DNAH8: variants seen among roughly 807,000 people sequenced by gnomAD.
The protein encoded by DNAH8 is axonemal beta dynein heavy chain 8.
A neutral mutation model predicts 562.1 loss-of-function variants in DNAH8; 382 were observed. The ratio of observed to expected loss-of-function variants is 0.68; its 90% CI spans 0.63 to 0.74. DNAH8 has a LOEUF of 0.74. DNAH8 is among the 30% of genes least tolerant of loss of function. The pLI, the probability that DNAH8 is intolerant of heterozygous loss-of-function variation, is 0.00. For missense variants in DNAH8, 5,203 were observed against 5,620.4 expected (o/e 0.93, Z 2.37); for synonymous variants, 1,881 against 1,919.4 (o/e 0.98, Z 0.52).
At chr6:38,888,776 G>C (rs1191905174) in intron 57 of DNAH8, among the ~76,000 whole-genome samples, 1 of 152,192 alleles carries the variant, frequency 6.6e-6, no homozygotes, top group East Asian at 1.9e-4. Flanking sequence ...GACTCTCATT[G>C]CCTGCTGGCC....
chr6:38,829,636 A>G (rs140011660), intron 30 of DNAH8, among the ~76,000 whole-genome samples: 8 of 152,306 alleles, frequency 5.3e-5, no homozygotes, highest in African/African-American at 9.6e-5. Context: ...CTGAAAATCA[A>G]TTGATCATAG....
chr6:38,999,938 C>CAT (rs1765376726), intron 88 of DNAH8, among the ~76,000 whole-genome samples: 1 of 151,356 alleles, frequency 6.6e-6, no homozygotes, highest in Non-Finnish European at 1.5e-5. Context: ...CACACAAACA[C>CAT]ACACACACAC....
intron 87 of DNAH8, among the ~76,000 whole-genome samples, chr6:38,984,657 G>C (rs918436676): frequency 1.2e-4 from 18 of 152,104 alleles, no homozygotes; most frequent in African/African-American, 4.3e-4. Flanking sequence ...CGGGCGTGGT[G>C]GTGAGTTCCT....
chr6:39,013,854 AAG>A (rs771882353), intron 91 of DNAH8, among the ~76,000 whole-genome samples: 6 of 150,708 alleles, frequency 4.0e-5, no homozygotes, highest in Admixed American at 6.6e-5. Context: ...CTATCTAAAA[AAG>A]AGAGAGAGAG....
chr6:39,011,868 CT>C lies in DNAH8; in HGVS notation c.13372-346del, dbSNP rs142398453. Among the ~76,000 whole-genome samples the C allele has an allele frequency of 2.2e-3, 332 of 152,298 alleles. 4 individuals carry two copies. Among genetic ancestry groups the C allele is most frequent in the African/African-American group, 7.2e-3 (298 of 41,570 alleles). Reference sequence around the variant, plus strand: ...TGAAGAAAAAAATTCCACTGTACCCCTATGAAGGTTAGATTGCAAAAAGAAT... The same window carrying C: ...TGAAGAAAAAAATTCCACTGTACCCCATGAAGGTTAGATTGCAAAAAGAAT... On this transcript the variant is annotated intron_variant, in intron 89 of 92. Transcript: ENST00000327475.
At chr6:38,892,122 C>T (rs1306467927) in intron 58 of DNAH8, among the ~76,000 whole-genome samples, 1 of 152,032 alleles carries the variant, frequency 6.6e-6, no homozygotes, top group Non-Finnish European at 1.5e-5. Context: ...TCATTAAAGT[C>T]CCCCTTCTTC....
chr6:38,784,538 T>A (rs1768955990), intron 17 of DNAH8, among the ~76,000 whole-genome samples: 1 of 152,212 alleles, frequency 6.6e-6, no homozygotes, highest in South Asian at 2.1e-4. Flanking sequence ...GGACACTTAC[T>A]GCTTTATAGA....
At chr6:38,989,070 T>C (rs1764600456) in intron 87 of DNAH8, among the ~76,000 whole-genome samples, 1 of 152,184 alleles carries the variant, frequency 6.6e-6, no homozygotes, top group African/African-American at 2.4e-5. Context: ...ACAGAGAGAA[T>C]CAGTACACAG....
At chr6:38,734,810 T>C (rs1334523133) in intron 5 of DNAH8, among the ~76,000 whole-genome samples, 185 bp downstream of exon 5, 2 of 152,242 alleles carry the variant, frequency 1.3e-5, no homozygotes, top group Non-Finnish European at 2.9e-5. Flanking sequence ...TATATTGATA[T>C]TTTAGATACT....
Position 38,822,893 on chromosome 6 carries a change from A to T in DNAH8, c.3579A>T (p.Val1193=). ...AGCTGAAGAATTTTTACCCGGGGGT[A>T]GCGGAGCACAAGGATATTTCTAAGT... The part of the protein sequence containing the change: ...ARKLKNFYPG[V]AEHKDISKLV... The change falls in exon 27 of 93, where the codon GTA becomes GTT. Residue 1193 remains valine (V), a synonymous_variant. Transcript: ENST00000327475. 2.5e-6 allele frequency: 4 copies of T among 1,609,450 alleles called. No homozygotes were observed. The highest frequency in any genetic ancestry group is 3.4e-6 in the Non-Finnish European group (4 of 1,178,912).
At chr6:38,975,537 TA>T (rs1763611636) in intron 85 of DNAH8, among the ~76,000 whole-genome samples, 1 of 152,210 alleles carries the variant, frequency 6.6e-6, no homozygotes, top group Non-Finnish European at 1.5e-5. Flanking sequence ...TATTTACCCC[TA>T]ATTCATTATC....
intron 11 of DNAH8, among the ~76,000 whole-genome samples, chr6:38,768,886 G>A (rs940666112): frequency 6.6e-6 from 1 of 152,040 alleles, no homozygotes; most frequent in Non-Finnish European, 1.5e-5. Flanking sequence ...TTTTCCTCTA[G>A]AGCTTCTCTT....
intron 4 of DNAH8, among the ~76,000 whole-genome samples, chr6:38,731,981 G>T (rs958638798): frequency 1.3e-5 from 2 of 152,180 alleles, no homozygotes; most frequent in African/African-American, 4.8e-5. Context: ...CTTCCAAAGT[G>T]CTGAGATTAT....
chr6:38,715,917 AATAAATAAATAT>A lies in DNAH8; in HGVS notation c.-35+506_-35+517del, dbSNP rs1172282174. ...GAAAAGCTATTAAAATAAATAAATA[AATAAATAAATAT>A]ATATATATATATATATATATATATA... On this transcript the variant is annotated intron_variant, in intron 1 of 92. Coordinates refer to ENST00000327475, the MANE Select transcript of DNAH8 (RefSeq NM_001206927.2). 7.8e-3 allele frequency among the ~76,000 whole-genome samples: 393 copies of A among 50,358 alleles called. 26 individuals carry two copies. The highest frequency in any genetic ancestry group is 0.046 in the East Asian group (88 of 1,896). The allele number at this position is 50,358 out of a possible 152,430, so 33.0% of individuals were successfully genotyped here.
chr6:39,003,171 A>T (rs1463449119), intron 88 of DNAH8, among the ~76,000 whole-genome samples: 1 of 152,174 alleles, frequency 6.6e-6, no homozygotes, highest in Non-Finnish European at 1.5e-5. Flanking sequence ...CGTGTGGCAA[A>T]TTTCACAAAA....
chr6:38,896,354 G>C (rs1416952706), intron 60 of DNAH8, 129 bp downstream of exon 60: 2 of 722,648 alleles, frequency 2.8e-6, no homozygotes, highest in Non-Finnish European at 4.5e-6. Flanking sequence ...TGGGAGGATT[G>C]CTTGAGCCTG....
intron 37 of DNAH8, among the ~76,000 whole-genome samples, chr6:38,849,047 A>T (rs1457681166): frequency 2.0e-5 from 3 of 152,154 alleles, no homozygotes; most frequent in African/African-American, 7.2e-5. Context: ...AACTGAGATT[A>T]TACGGCCCAA....
intron 8 of DNAH8, among the ~76,000 whole-genome samples, chr6:38,747,786 G>A (rs1765086281): frequency 6.6e-6 from 1 of 151,882 alleles, no homozygotes; most frequent in African/African-American, 2.4e-5. Flanking sequence ...TCATCCTTTG[G>A]TACACATTTT....
At chr6:38,786,358 G>A (rs1388535149) in intron 17 of DNAH8, among the ~76,000 whole-genome samples, 1 of 152,142 alleles carries the variant, frequency 6.6e-6, no homozygotes, top group Non-Finnish European at 1.5e-5. Context: ...AAGACAGTTT[G>A]GGGTCTGAGT....
Sources: allele counts gnomAD v4.1 joint callset (sites outside exome capture counted in the v4.1 genomes callset), GRCh38; gene constraint gnomAD v4.1.1; transcripts MANE v1.5; gene names NCBI Gene and HGNC (gene_info 2026-07-23, HGNC 2026-07-21).